Variants in FBXO11 observed in about 807,000 individuals in gnomAD.
FBXO11 encodes F-box protein 11.
FBXO11 carries 13 observed loss-of-function variants against 117.0 expected under a neutral mutation model. The ratio of observed to expected loss-of-function variants is 0.11; its 90% CI spans 0.07 to 0.18. The LOEUF (loss-of-function observed/expected upper bound fraction) is 0.18. Ranked by LOEUF, FBXO11 falls within the 10% of genes least tolerant of loss-of-function variation. The pLI is 1.00. For synonymous variants in FBXO11, 490 were observed against 380.5 expected (o/e 1.29, Z -3.35); for missense variants, 767 against 1,164.4 (o/e 0.66, Z 4.97).
intron 3 of FBXO11, 64 bp from the exon 4 acceptor site, chr2:47,839,067 C>A: frequency 6.7e-7 from 1 of 1,495,374 alleles, no homozygotes. Flanking sequence ...TTAAAGAACA[C>A]AGTTTTCATT....
intron 1 of FBXO11, among the ~76,000 whole-genome samples, chr2:47,889,546 T>C (rs1178540759): frequency 2.0e-5 from 3 of 152,134 alleles, no homozygotes; most frequent in African/African-American, 7.2e-5. Flanking sequence ...ACTAAATTCA[T>C]GTTTCAAAGT....
intron 1 of FBXO11, among the ~76,000 whole-genome samples, chr2:47,864,572 A>G (rs1675052915): frequency 6.6e-6 from 1 of 152,190 alleles, no homozygotes; most frequent in Non-Finnish European, 1.5e-5. Context: ...GGACGACAAG[A>G]GTAAAACTCC....
intron 1 of FBXO11, among the ~76,000 whole-genome samples, chr2:47,895,701 GT>G (rs564500705): frequency 6.6e-6 from 1 of 150,978 alleles, no homozygotes; most frequent in East Asian, 2.0e-4. Flanking sequence ...TTATGTTGTT[GT>G]TTTTTTTTGA....
intron 4 of FBXO11, among the ~76,000 whole-genome samples, chr2:47,838,385 AC>A (rs1253273982): frequency 6.6e-6 from 1 of 152,178 alleles, no homozygotes. Flanking sequence ...CTAGGCTGTT[AC>A]GAAAAATCTG....
At chr2:47,876,060 G>C (rs1014133820) in intron 1 of FBXO11, among the ~76,000 whole-genome samples, 1 of 152,132 alleles carries the variant, frequency 6.6e-6, no homozygotes, top group Non-Finnish European at 1.5e-5. Flanking sequence ...CGCGTAAGAA[G>C]GTAAAATAAC....
chr2:47,831,425 A>G (rs1672178063), intron 11 of FBXO11, among the ~76,000 whole-genome samples: 1 of 144,762 alleles, frequency 6.9e-6, no homozygotes. Flanking sequence ...CGGTCTCAAA[A>G]AGAAAAAAAA....
At chr2:47,839,538 C>G in intron 2 of FBXO11, 38 bp from the exon 3 acceptor site, 1 of 1,608,356 alleles carries the variant, frequency 6.2e-7, no homozygotes, top group Non-Finnish European at 8.5e-7. Flanking sequence ...AGCAAATATT[C>G]TTATCATCCA....
chr2:47,904,581 AACACACACACACACACACACAC>A (rs112758707), intron 1 of FBXO11, among the ~76,000 whole-genome samples: 35 of 147,688 alleles, frequency 2.4e-4, no homozygotes, highest in Middle Eastern at 7.0e-3. Flanking sequence ...CGCGCGCGCA[AACACACACACACACACACACAC>A]ACACACACAC....
intron 1 of FBXO11, among the ~76,000 whole-genome samples, chr2:47,888,252 C>A (rs1219288467): frequency 1.3e-5 from 2 of 152,082 alleles, no homozygotes; most frequent in African/African-American, 4.8e-5. Flanking sequence ...AATTTTGGAA[C>A]CAGAACAGGT....
chr2:47,814,567 TG>T (rs1670879667), intron 16 of FBXO11, among the ~76,000 whole-genome samples: 1 of 151,982 alleles, frequency 6.6e-6, no homozygotes, highest in Non-Finnish European at 1.5e-5. Context: ...TTTGTAGAGA[TG>T]GAGTTTTGCC....
chr2:47,858,925 G>C (rs1674531745), intron 1 of FBXO11, among the ~76,000 whole-genome samples: 1 of 151,020 alleles, frequency 6.6e-6, no homozygotes, highest in Admixed American at 6.6e-5. Context: ...TGTAATCCCA[G>C]CTACTCAGGA....
chr2:47,845,967 T>C (rs1357895354), intron 1 of FBXO11, among the ~76,000 whole-genome samples: 1 of 152,026 alleles, frequency 6.6e-6, no homozygotes, highest in Non-Finnish European at 1.5e-5. Context: ...TGTAGATCCA[T>C]TATTTTTTGT....
At position 47,815,641 on chromosome 2, in the gene FBXO11, C is replaced by G. The variant is rs192797559; in HGVS notation, c.2007-1774G>C. The stretch of plus-strand genomic sequence containing the variant: ...ATCCAAGTAACTGGCTTTCAGACCC[C>G]CAATTTCAGAGGACTTTAGCAAAGC... On this transcript the variant is annotated intron_variant, in intron 16 of 22. Transcript: ENST00000403359. Among the ~76,000 whole-genome samples the G allele has an allele frequency of 1.4e-4, 21 of 152,258 alleles. No homozygotes were observed. In the East Asian group the frequency reaches 3.3e-3, roughly 24 times the overall value.
Position 47,905,978 on chromosome 2 carries a change from G to A in FBXO11, c.-258C>T, listed in dbSNP as rs923445674. 1.2e-5 allele frequency: 5 copies of A among 409,914 alleles called. No individual in the cohort carries two copies. The highest frequency in any genetic ancestry group is 1.8e-5 in the Non-Finnish European group (4 of 228,504). The allele number at this position is 409,914 out of a possible 1,614,324, so 25.4% of individuals were successfully genotyped here. On this transcript the variant is annotated 5_prime_UTR_variant, in exon 1 of 23. Coordinates refer to ENST00000403359, the MANE Select transcript of FBXO11 (RefSeq NM_001190274.2). Reference sequence around the variant, plus strand: ...GGGGAAGGCCGAAGCCGCCGGGCGGGGCGGCCGCGAGGGACGAAGGCAGAA... The same window carrying A: ...GGGGAAGGCCGAAGCCGCCGGGCGGAGCGGCCGCGAGGGACGAAGGCAGAA...
In FBXO11 at chr2:47,832,989, G is replaced by T. The variant is rs1369676299; in HGVS notation, c.1016C>A (p.Ala339Asp). ...CCTTATTGTCATATATCCAACATAA[G>T]CATCTTCAGAGCCTTCCATAAAAAC... ...TFVFMEGSED[A>D]YVGYMTIRFN... is the part of the protein sequence containing the mutation. Residue 339 changes from alanine to aspartate, a missense_variant, in exon 8 of 23, where the codon GCT (alanine) becomes GAT (aspartate). By Grantham distance (126) the Ala-to-Asp change is moderately radical. Around this residue, in one of 10 missense-constraint regions of FBXO11, gnomAD observed 123 missense variants for 145.0 expected, o/e 0.85. Transcript: ENST00000403359. 1 of 1,612,534 alleles carries T rather than the reference G, an allele frequency of 6.2e-7. No homozygotes were observed. Among genetic ancestry groups the T allele is most frequent in the Non-Finnish European group, 8.5e-7 (1 of 1,178,818 alleles).
intron 1 of FBXO11, among the ~76,000 whole-genome samples, chr2:47,866,914 T>C (rs1160598846): frequency 6.6e-6 from 1 of 152,216 alleles, no homozygotes. Flanking sequence ...ATATGAACAC[T>C]GTTCTGACTC....
In FBXO11 at chr2:47,813,216, C is replaced by G. The variant is rs560125406; in HGVS notation, c.2227+18G>C. The G allele has an allele frequency of 5.0e-6, 8 of 1,611,338 alleles. No homozygotes were observed. Among genetic ancestry groups the G allele is most frequent in the Non-Finnish European group, 6.8e-6 (8 of 1,177,824 alleles). ...TGGAAAACTGGATTTTTCACTAATGCAAAATTAACAACAATACCTCGACCC... is the reference window on the plus strand; with the variant it reads ...TGGAAAACTGGATTTTTCACTAATGGAAAATTAACAACAATACCTCGACCC... On this transcript the variant is annotated intron_variant, in intron 18 of 22. Coordinates refer to ENST00000403359, the MANE Select transcript of FBXO11 (RefSeq NM_001190274.2).
intron 1 of FBXO11, among the ~76,000 whole-genome samples, chr2:47,860,402 T>C (rs1674669043): frequency 6.6e-6 from 1 of 150,940 alleles, no homozygotes; most frequent in Non-Finnish European, 1.5e-5. Context: ...AGAATTATTT[T>C]ACCCTGGATT....
chr2:47,893,426 T>C (rs1677414870), intron 1 of FBXO11, among the ~76,000 whole-genome samples: 1 of 152,090 alleles, frequency 6.6e-6, no homozygotes, highest in Non-Finnish European at 1.5e-5. Flanking sequence ...CCTAGAAATA[T>C]GTATGTATCT....
Sources: allele counts gnomAD v4.1 joint callset (sites outside exome capture counted in the v4.1 genomes callset), GRCh38; gene constraint gnomAD v4.1.1; regional missense constraint gnomAD v4.1.1; transcripts MANE v1.5; gene names NCBI Gene and HGNC (gene_info 2026-07-23, HGNC 2026-07-21).